Variants in TMED3 observed in about 807,000 individuals in gnomAD.
TMED3 encodes transmembrane emp24 domain-containing protein 3.
In TMED3, 9 loss-of-function variants were observed where a neutral mutation model predicts 15.0. The observed-to-expected ratio is 0.60, with a 90% CI of 0.36 to 1.04. The LOEUF (loss-of-function observed/expected upper bound fraction) is 1.04. Ranked by LOEUF, TMED3 falls within the 50% of genes least tolerant of loss-of-function variation. The pLI, the probability that TMED3 is intolerant of heterozygous loss-of-function variation, is 0.01. For missense variants in TMED3, 267 were observed against 278.9 expected (o/e 0.96, Z 0.30); for synonymous variants, 117 against 121.4 (o/e 0.96, Z 0.24).
intron 2 of TMED3, among the ~76,000 whole-genome samples, chr15:79,353,810 C>T (rs140211408): frequency 6.6e-6 from 1 of 152,184 alleles, no homozygotes; most frequent in East Asian, 1.9e-4. Context: ...TGTAGCAAAG[C>T]CTAAGGATGC....
intron 2 of TMED3, among the ~76,000 whole-genome samples, chr15:79,334,573 G>T (rs1042605166): frequency 3.3e-5 from 5 of 152,174 alleles, no homozygotes; most frequent in Non-Finnish European, 5.9e-5. Flanking sequence ...TGTGGAGAAG[G>T]CACCTCTGAC....
chr15:79,359,869 G>A (rs1343812871), intron 2 of TMED3, among the ~76,000 whole-genome samples: 1 of 152,106 alleles, frequency 6.6e-6, no homozygotes, highest in Non-Finnish European at 1.5e-5. Flanking sequence ...TTCTTCTTCT[G>A]CCCGTGGGTC....
intron 2 of TMED3, chr15:79,383,166 C>T (rs1320216189): frequency 2.7e-6 from 2 of 732,156 alleles, no homozygotes; most frequent in African/African-American, 1.7e-5. Context: ...CTCTCACCTG[C>T]ACCAGTTATT....
Position 79,406,094 on chromosome 15 carries a change from C to T in TMED3, c.418-5306C>T, listed in dbSNP as rs529597428. On this transcript the variant is annotated intron_variant, in intron 2 of 2. Coordinates refer to the TMED3 transcript ENST00000424155. ...ATCTACTATATCTATTTCGTTTTTG[C>T]GGAAGCCATGTAGATGAATTGAATA... Among the ~76,000 whole-genome samples, 122 of 152,228 alleles carry T rather than the reference C, an allele frequency of 8.0e-4. No individual in the cohort carries two copies. In the Middle Eastern group the frequency reaches 0.01, roughly 13 times the overall value.
intron 2 of TMED3, among the ~76,000 whole-genome samples, chr15:79,368,786 C>G (rs536440444): frequency 6.6e-6 from 1 of 152,110 alleles, no homozygotes; most frequent in South Asian, 2.1e-4. Flanking sequence ...CTACTTAACC[C>G]TTTAGAAATG....
intron 2 of TMED3, among the ~76,000 whole-genome samples, chr15:79,348,547 T>C (rs1390604452): frequency 1.3e-5 from 2 of 152,182 alleles, no homozygotes; most frequent in African/African-American, 2.4e-5. Flanking sequence ...TTACTAAAAA[T>C]TAGATAGTGC....
At chr15:79,379,803 T>A (rs1431226439) in intron 2 of TMED3, among the ~76,000 whole-genome samples, 1 of 152,206 alleles carries the variant, frequency 6.6e-6, no homozygotes, top group African/African-American at 2.4e-5. Context: ...ACAGCTAGCA[T>A]ATAATTTTGT....
chr15:79,395,736 C>T (rs1322193278), intron 2 of TMED3, among the ~76,000 whole-genome samples: 1 of 152,148 alleles, frequency 6.6e-6, no homozygotes, highest in Non-Finnish European at 1.5e-5. Flanking sequence ...ATTGTTTCGT[C>T]TATTTCATAT....
intron 2 of TMED3, among the ~76,000 whole-genome samples, chr15:79,352,065 G>T (rs1014582025): frequency 6.6e-6 from 1 of 151,632 alleles, no homozygotes; most frequent in Non-Finnish European, 1.5e-5. Flanking sequence ...GGGGACTCGG[G>T]GGGAAAGAGT....
At chr15:79,391,107 T>C (rs1258043540) in intron 2 of TMED3, among the ~76,000 whole-genome samples, 2 of 152,218 alleles carry the variant, frequency 1.3e-5, no homozygotes, top group African/African-American at 4.8e-5. Flanking sequence ...ATCCTGGTTA[T>C]TTCCTTTCTT....
rs187660023 is a variant in TMED3 at position 79,408,647 on chromosome 15, A to C, written c.418-2753A>C. On this transcript the variant is annotated intron_variant, in intron 2 of 2. Transcript: ENST00000424155. The stretch of plus-strand genomic sequence containing the variant: ...AGAACTCAGAGAGAATGGCCCCTGG[A>C]AGCCAGAAACCCAGGGTCCAGATCT... Among the ~76,000 whole-genome samples, 1,137 of 152,178 alleles carry C rather than the reference A, an allele frequency of 7.5e-3. 5 individuals carry two copies. Among genetic ancestry groups the C allele is most frequent in the Non-Finnish European group, 0.012 (786 of 67,994 alleles).
intron 1 of TMED3, 50 bp from the exon 2 acceptor site, chr15:79,313,707 G>A: frequency 6.3e-7 from 1 of 1,581,878 alleles, no homozygotes; most frequent in Non-Finnish European, 8.6e-7. Context: ...TTGGCATTTG[G>A]TAAGTGGTGG....
In TMED3 at chr15:79,367,515, T is replaced by A. The variant is rs141276597; in HGVS notation, c.418-43885T>A. Among the ~76,000 whole-genome samples the A allele has an allele frequency of 1.9e-4, 29 of 152,312 alleles. No individual in the cohort carries two copies. In the East Asian group the frequency reaches 5.6e-3, roughly 29 times the overall value. On this transcript the variant is annotated intron_variant, in intron 2 of 2. Transcript: ENST00000424155. Reference sequence around the variant, plus strand: ...ATGCAAGCCCAAGTCCTATCATAGGTCTTTTCTAACACTCTCTTGCAGAGG... The same window carrying A: ...ATGCAAGCCCAAGTCCTATCATAGGACTTTTCTAACACTCTCTTGCAGAGG...
intron 2 of TMED3, among the ~76,000 whole-genome samples, chr15:79,358,643 C>T (rs1014688780): frequency 3.9e-5 from 6 of 152,210 alleles, no homozygotes; most frequent in African/African-American, 1.4e-4. Flanking sequence ...GGACCTCTGA[C>T]CACTGCCTTC....
chr15:79,342,342 A>G (rs2141229361), intron 2 of TMED3, among the ~76,000 whole-genome samples: 1 of 152,330 alleles, frequency 6.6e-6, no homozygotes, highest in East Asian at 1.9e-4. Context: ...AAATTTGAAG[A>G]AGGGTTGGCA....
intron 2 of TMED3, among the ~76,000 whole-genome samples, chr15:79,370,700 T>C (rs1319847321): frequency 6.6e-6 from 1 of 152,230 alleles, no homozygotes; most frequent in Non-Finnish European, 1.5e-5. Flanking sequence ...AGTTTTTACA[T>C]GGAGACCTTG....
intron 2 of TMED3, among the ~76,000 whole-genome samples, chr15:79,400,800 C>G (rs1723356317): frequency 1.3e-5 from 2 of 152,162 alleles, no homozygotes; most frequent in African/African-American, 2.4e-5. Flanking sequence ...TGTCAAGGGA[C>G]CTTTCCACGT....
intron 2 of TMED3, among the ~76,000 whole-genome samples, chr15:79,400,428 G>A (rs1232028041): frequency 6.6e-6 from 1 of 152,208 alleles, no homozygotes; most frequent in Non-Finnish European, 1.5e-5. Flanking sequence ...GATATCAGCT[G>A]TCTTGTTCAC....
At chr15:79,382,395 G>A (rs915992982) in intron 2 of TMED3, among the ~76,000 whole-genome samples, 2 of 152,180 alleles carry the variant, frequency 1.3e-5, no homozygotes, top group African/African-American at 4.8e-5. Context: ...AAACAAAATA[G>A]TTGTGACTAG....
Sources: allele counts gnomAD v4.1 joint callset (sites outside exome capture counted in the v4.1 genomes callset), GRCh38; gene constraint gnomAD v4.1.1; transcripts MANE v1.5; gene names NCBI Gene and HGNC (gene_info 2026-07-23, HGNC 2026-07-21).